The following RAI14 variants were observed in gnomAD, a reference collection of about 807,000 sequenced individuals.
RAI14 encodes ankycorbin.
RAI14 carries 45 observed loss-of-function variants against 115.4 expected under a neutral mutation model. That is an observed-to-expected ratio of 0.39 (90% CI 0.31 to 0.50). The LOEUF (loss-of-function observed/expected upper bound fraction) is 0.50, where lower values mean the gene tolerates loss of function less well. RAI14 is among the 20% of genes least tolerant of loss of function. The probability of loss-of-function intolerance (pLI) is 0.85; values close to 1 mark genes in which losing one functional copy is unlikely to be tolerated. For missense variants in RAI14, 939 were observed against 1,131.2 expected, an observed-to-expected ratio of 0.83 and a Z score of 2.44; for synonymous variants, 371 against 415.4, an observed-to-expected ratio of 0.89 and a Z score of 1.30.
At chr5:34,782,150 A>G (rs532794854) in intron 3 of RAI14, among the ~76,000 whole-genome samples, 96 of 152,204 alleles carry the variant, frequency 6.3e-4, no homozygotes, top group African/African-American at 2.3e-3. Flanking sequence ...TAAACCCACA[A>G]CCTTCAGCGT....
intron 2 of RAI14, among the ~76,000 whole-genome samples, chr5:34,714,438 C>T (rs1741772159): frequency 6.6e-6 from 1 of 152,130 alleles, no homozygotes; most frequent in Admixed American, 6.6e-5. Context: ...TATGTGCCTT[C>T]TAGTGGGCAT....
At position 34,827,506 on chromosome 5, in the gene RAI14, A is replaced by G. The variant is rs1757571635; in HGVS notation, c.2799+1027A>G. The stretch of plus-strand genomic sequence containing the variant: ...GTCCTGGACTGTCTCTAGCTTCCAT[A>G]TACAAACAGAACATGGATTTGATGA... On this transcript the variant is annotated intron_variant, in intron 16 of 17. Transcript: ENST00000265109. The surrounding 1 kb of genome is among the most constrained non-coding windows in gnomAD (Gnocchi z 4.2). 6.6e-6 allele frequency among the ~76,000 whole-genome samples: 1 copy of G among 152,156 alleles called. No homozygotes were observed. The highest frequency in any genetic ancestry group is 2.1e-4 in the South Asian group (1 of 4,826).
At chr5:34,804,494 T>C (rs562461270) in intron 5 of RAI14, among the ~76,000 whole-genome samples, 29 of 152,378 alleles carry the variant, frequency 1.9e-4, no homozygotes, top group African/African-American at 7.0e-4. Flanking sequence ...TTGTACTGTC[T>C]GTTCTGTTGA....
chr5:34,730,718 C>A (rs1744070569), intron 2 of RAI14, among the ~76,000 whole-genome samples: 1 of 152,172 alleles, frequency 6.6e-6, no homozygotes, highest in Admixed American at 6.5e-5. Flanking sequence ...CATGGTGGCC[C>A]ACGCCTGTTA....
chr5:34,797,625 A>G (rs1753700865), intron 4 of RAI14, among the ~76,000 whole-genome samples: 1 of 152,196 alleles, frequency 6.6e-6, no homozygotes, highest in Non-Finnish European at 1.5e-5. Flanking sequence ...ACACCAATAT[A>G]GGGGGATAAA....
intron 3 of RAI14, among the ~76,000 whole-genome samples, chr5:34,787,519 AG>A (rs1382212099): frequency 6.6e-6 from 1 of 152,238 alleles, no homozygotes; most frequent in East Asian, 1.9e-4. Flanking sequence ...CATCTTTAAA[AG>A]GAAATGTCCA....
intron 3 of RAI14, among the ~76,000 whole-genome samples, chr5:34,762,308 C>T (rs1334263279): frequency 1.3e-5 from 2 of 152,124 alleles, no homozygotes. Context: ...TCAACCTTTA[C>T]CACCTAGAGA....
At chr5:34,819,861 C>T (rs1457434455) in intron 13 of RAI14, among the ~76,000 whole-genome samples, 1 of 152,188 alleles carries the variant, frequency 6.6e-6, no homozygotes, top group Admixed American at 6.5e-5. Flanking sequence ...CCTTGGCCCC[C>T]CATAGTGCTG....
intron 3 of RAI14, among the ~76,000 whole-genome samples, chr5:34,788,591 C>T (rs1265544753): frequency 6.6e-6 from 1 of 152,084 alleles, no homozygotes; most frequent in Non-Finnish European, 1.5e-5. Flanking sequence ...AGTAGCAGTA[C>T]TTGTAAAAAA....
chr5:34,701,133 C>T (rs978970601), intron 2 of RAI14, among the ~76,000 whole-genome samples: 9 of 152,144 alleles, frequency 5.9e-5, no homozygotes, highest in African/African-American at 2.2e-4. Flanking sequence ...TGTAGGGGGT[C>T]TGGGGAGTCA....
At chr5:34,762,276 G>A (rs980801415) in intron 3 of RAI14, among the ~76,000 whole-genome samples, 19 of 152,096 alleles carry the variant, frequency 1.2e-4, no homozygotes, top group African/African-American at 4.6e-4. Context: ...AAGCTTCCAC[G>A]GCAATTTAAA....
intron 2 of RAI14, among the ~76,000 whole-genome samples, chr5:34,751,898 A>G (rs1009204181): frequency 3.3e-5 from 5 of 152,288 alleles, no homozygotes; most frequent in Middle Eastern, 3.4e-3. Flanking sequence ...TTTCAAGTGA[A>G]TTCTCCTGTT....
At chr5:34,757,238 GTTTGGTGAC>G (rs1422946649) in intron 2 of RAI14, 3 of 583,714 alleles carry the variant, frequency 5.1e-6, no homozygotes, top group Non-Finnish European at 6.4e-6. Context: ...TTATCTCAGA[GTTTGGTGAC>G]TAGCCGTGAT....
chr5:34,685,586 T>C (rs1386820090), intron 1 of RAI14: 1 of 150,340 alleles, frequency 6.7e-6, no homozygotes, highest in Non-Finnish European at 1.5e-5. Context: ...AAAAAAAAAC[T>C]ATATAGGGCA....
At chr5:34,672,436 C>A (rs1743686520) in intron 1 of RAI14, among the ~76,000 whole-genome samples, 1 of 152,132 alleles carries the variant, frequency 6.6e-6, no homozygotes, top group South Asian at 2.1e-4. Flanking sequence ...AAGCATTCCC[C>A]ATCCTTCATG....
intron 2 of RAI14, among the ~76,000 whole-genome samples, chr5:34,722,935 A>T (rs114145217): frequency 0.022 from 3,286 of 148,114 alleles, 100 homozygotes; most frequent in African/African-American, 0.074. Context: ...TAAATAAATT[A>T]AAAAAAATAC....
chr5:34,812,605 CG>C (rs1327739950), intron 10 of RAI14, among the ~76,000 whole-genome samples: 4 of 151,812 alleles, frequency 2.6e-5, no homozygotes, highest in African/African-American at 9.7e-5. Flanking sequence ...GCAGAGGTTG[CG>C]GTGAGCTGAG....
chr5:34,683,671 C>T (rs1298111871), intron 1 of RAI14, among the ~76,000 whole-genome samples: 2 of 151,614 alleles, frequency 1.3e-5, no homozygotes, highest in Admixed American at 6.6e-5. Context: ...GTCCTGTTTC[C>T]TTAGTTATTA....
At chr5:34,753,204 G>A (rs977985015) in intron 2 of RAI14, among the ~76,000 whole-genome samples, 1 of 152,098 alleles carries the variant, frequency 6.6e-6, no homozygotes, top group Non-Finnish European at 1.5e-5. Context: ...AGGTAATTTT[G>A]TTAGTTTGAT....
Sources: allele counts gnomAD v4.1 joint callset (sites outside exome capture counted in the v4.1 genomes callset), GRCh38; gene constraint gnomAD v4.1.1; non-coding constraint Gnocchi (gnomAD v3.1); transcripts MANE v1.5; gene names NCBI Gene and HGNC (gene_info 2026-07-23, HGNC 2026-07-21).